Variants in CSMD2 observed in about 807,000 individuals in gnomAD.
CSMD2 encodes CUB and sushi domain-containing protein 2.
A neutral mutation model predicts 398.5 loss-of-function variants in CSMD2; 130 were observed. That is an observed-to-expected ratio of 0.33 (90% CI 0.28 to 0.38). The LOEUF (loss-of-function observed/expected upper bound fraction) is 0.38, where lower values mean the gene tolerates loss of function less well. Among genes scored for constraint, CSMD2 ranks in the 10% least tolerant of loss-of-function variants. CSMD2 has a pLI of 1.00. For missense variants in CSMD2, 3,829 were observed against 4,764.9 expected, an observed-to-expected ratio of 0.80 and a Z score of 5.78; for synonymous variants, 1,828 against 1,908.5, an observed-to-expected ratio of 0.96 and a Z score of 1.10.
intron 25 of CSMD2, among the ~76,000 whole-genome samples, chr1:33,665,460 CTTTTTTTTTTTTTTTT>C (rs745495781): frequency 1.4e-5 from 1 of 73,914 alleles, no homozygotes; most frequent in Non-Finnish European, 2.5e-5. Flanking sequence ...TTTCTTCTCT[CTTTTTTTTTTTTTTTT>C]TTTTTTTTTT....
intron 44 of CSMD2, chr1:33,599,305 C>T (rs1030157498): frequency 2.6e-5 from 4 of 152,202 alleles, no homozygotes; most frequent in African/African-American, 4.8e-5. Flanking sequence ...GGAACAGGAA[C>T]AAGAGACCTG....
Position 33,600,960 on chromosome 1 carries a change from A to G in CSMD2, c.6761T>C (p.Met2254Thr). The change falls in exon 44 of 71, where the codon ATG (methionine) becomes ACG (threonine). Residue 2254 changes from methionine to threonine, a missense_variant. Coordinates refer to ENST00000373381, the MANE Select transcript of CSMD2 (RefSeq NM_001281956.2). ...TGAACTCTGCACTGTTTTCTTGGCC[A>G]TGCTCCGGGTGAAGACGCCGAGCCG... ...APRLGVFTRS[M>T]AKKTVQSSSN... The G allele has an allele frequency of 6.2e-7, 1 of 1,614,122 alleles. No individual in the cohort carries two copies. The highest frequency in any genetic ancestry group is 8.5e-7 in the Non-Finnish European group (1 of 1,180,028).
At chr1:33,999,114 G>A (rs1646816858) in intron 3 of CSMD2, among the ~76,000 whole-genome samples, 1 of 152,174 alleles carries the variant, frequency 6.6e-6, no homozygotes, top group Non-Finnish European at 1.5e-5. Flanking sequence ...GGCCCCATAA[G>A]CCAAGACTTA....
At chr1:33,858,554 G>A (rs989707369) in intron 5 of CSMD2, among the ~76,000 whole-genome samples, 1 of 152,162 alleles carries the variant, frequency 6.6e-6, no homozygotes, top group Non-Finnish European at 1.5e-5. Context: ...CAGAGATGAT[G>A]TACCCAAAGT....
At chr1:33,625,524 T>C (rs1203264260) in intron 33 of CSMD2, among the ~76,000 whole-genome samples, 5 of 152,134 alleles carry the variant, frequency 3.3e-5, no homozygotes, top group Non-Finnish European at 7.4e-5. Context: ...TTTTGTTCTT[T>C]GCTTTCCCAA....
intron 5 of CSMD2, among the ~76,000 whole-genome samples, chr1:33,850,824 TA>T (rs201567427): frequency 1.3e-5 from 2 of 151,386 alleles, no homozygotes; most frequent in African/African-American, 2.4e-5. Flanking sequence ...TGGGAAGAAT[TA>T]AAAAAAAATC....
chr1:33,772,474 C>CAAGG lies in CSMD2; in HGVS notation c.1846+91_1846+94dup, dbSNP rs1651408788. On this transcript the variant is annotated intron_variant, in intron 13 of 70. Coordinates refer to ENST00000373381, the MANE Select transcript of CSMD2 (RefSeq NM_001281956.2). ...AGAGTGCAGCTGTTGTTACAACCTG[C>CAAGG]AAGGTTCCCAGGGACGGGGCCCCTG... The CAAGG allele has an allele frequency of 2.7e-6, 3 of 1,100,500 alleles. 1 individual carries two copies. Among genetic ancestry groups the CAAGG allele is most frequent in the Non-Finnish European group, 1.3e-6 (1 of 750,678 alleles). 68.2% of individuals were successfully genotyped at this position (1,100,500 alleles called of 1,614,324 possible). A position where few individuals can be genotyped will look rare whatever the true frequency, so the allele number is the denominator to read the frequency against.
intron 70 of CSMD2, among the ~76,000 whole-genome samples, chr1:33,517,979 T>G (rs1009724682): frequency 1.3e-5 from 2 of 152,228 alleles, no homozygotes; most frequent in African/African-American, 4.8e-5. Context: ...GCACTGCCAT[T>G]TGTGTGTGGC....
intron 53 of CSMD2, among the ~76,000 whole-genome samples, chr1:33,565,200 GA>G (rs1326340610): frequency 1.3e-5 from 2 of 152,262 alleles, no homozygotes; most frequent in East Asian, 3.9e-4. Context: ...GCCAGAAGGA[GA>G]AAATCCATCT....
At chr1:33,525,776 C>T (rs1654716390) in intron 65 of CSMD2, among the ~76,000 whole-genome samples, 1 of 151,166 alleles carries the variant, frequency 6.6e-6, no homozygotes, top group African/African-American at 2.4e-5. Context: ...CCTCTGCCTC[C>T]CAGGTTCAAG....
chr1:33,605,391 T>C lies in CSMD2; in HGVS notation c.6423A>G (p.Gln2141=), dbSNP rs1372742803. The C allele has an allele frequency of 6.2e-7, 1 of 1,614,172 alleles. No homozygotes were observed. The change falls in exon 42 of 71, where the codon CAA becomes CAG. Residue 2141 remains glutamine, a synonymous_variant. Coordinates refer to ENST00000373381, the MANE Select transcript of CSMD2 (RefSeq NM_001281956.2). ...IVRGAGYNVG[Q]SVTFECLPGY... Reference sequence around the variant, plus strand: ...CCGGGAGGCACTCGAAGGTCACTGATTGTCCCACGTTGTAGCCAGCTCCCC... The same window carrying C: ...CCGGGAGGCACTCGAAGGTCACTGACTGTCCCACGTTGTAGCCAGCTCCCC...
intron 1 of CSMD2, among the ~76,000 whole-genome samples, chr1:34,133,520 A>G (rs1281316077): frequency 6.6e-6 from 1 of 151,698 alleles, no homozygotes; most frequent in Admixed American, 6.6e-5. Context: ...AATTCCTGCT[A>G]CTCTGGAGTC....
Position 33,636,277 on chromosome 1 carries a change from C to A in CSMD2, c.4969+83G>T. Reference sequence around the variant, plus strand: ...AGCCGGGCTTGAGGACCTTGCCCCCCTCCCTTCCCCAGCCCACAGCACCCT... The same window carrying A: ...AGCCGGGCTTGAGGACCTTGCCCCCATCCCTTCCCCAGCCCACAGCACCCT... On this transcript the variant is annotated intron_variant, in intron 30 of 70. Transcript: ENST00000373381. This position sits in a 1 kb window ranked among gnomAD's most constrained non-coding sequence, Gnocchi z 4.8. 1 of 1,387,846 alleles carries A rather than the reference C, an allele frequency of 7.2e-7. No individual in the cohort carries two copies. Among genetic ancestry groups the A allele is most frequent in the Non-Finnish European group, 9.7e-7 (1 of 1,025,982 alleles). The allele number at this position is 1,387,846 out of a possible 1,614,324, so 86.0% of individuals were successfully genotyped here. A position where few individuals can be genotyped will look rare whatever the true frequency, so the allele number is the denominator to read the frequency against.
intron 2 of CSMD2, among the ~76,000 whole-genome samples, chr1:34,063,959 G>C (rs1654827998): frequency 6.6e-6 from 1 of 152,190 alleles, no homozygotes; most frequent in South Asian, 2.1e-4. Context: ...CAAGGCTTGG[G>C]GCTTCCACCC....
intron 25 of CSMD2, among the ~76,000 whole-genome samples, chr1:33,672,171 C>G (rs1039443884): frequency 2.0e-5 from 3 of 151,248 alleles, no homozygotes; most frequent in Admixed American, 1.3e-4. Context: ...CAGGGCGAGG[C>G]ATCGCCTCAC....
intron 10 of CSMD2, among the ~76,000 whole-genome samples, chr1:33,809,914 C>T (rs752400628): frequency 7.3e-5 from 11 of 151,720 alleles, no homozygotes; most frequent in Non-Finnish European, 1.3e-4. Flanking sequence ...ATAATAGCAA[C>T]GATAAATATA....
chr1:33,927,826 T>G (rs1644178464), intron 4 of CSMD2, among the ~76,000 whole-genome samples: 1 of 152,198 alleles, frequency 6.6e-6, no homozygotes, highest in Non-Finnish European at 1.5e-5. Context: ...CTGGTCCAGC[T>G]ACCAGTGCTT....
chr1:34,026,220 G>C (rs1429252456), intron 3 of CSMD2, among the ~76,000 whole-genome samples: 5 of 152,214 alleles, frequency 3.3e-5, no homozygotes, highest in African/African-American at 1.2e-4. Context: ...CAACCAGCAA[G>C]TGAGTGGCAA....
chr1:34,146,125 C>G (rs1198218294), intron 1 of CSMD2, among the ~76,000 whole-genome samples: 1 of 152,168 alleles, frequency 6.6e-6, no homozygotes, highest in African/African-American at 2.4e-5. Context: ...ATGATCACTC[C>G]TGGGCTCAAG....
Sources: allele counts gnomAD v4.1 joint callset (sites outside exome capture counted in the v4.1 genomes callset), GRCh38; gene constraint gnomAD v4.1.1; non-coding constraint Gnocchi (gnomAD v3.1); transcripts MANE v1.5; gene names NCBI Gene and HGNC (gene_info 2026-07-23, HGNC 2026-07-21).